RIPOR3: variants seen among roughly 807,000 people sequenced by gnomAD.
The protein encoded by RIPOR3 is RIPOR family member 3.
A neutral mutation model predicts 114.3 loss-of-function variants in RIPOR3; 95 were observed. The observed-to-expected ratio is 0.83, with a 90% CI of 0.70 to 0.99. The LOEUF (loss-of-function observed/expected upper bound fraction) is 0.99, where lower values mean the gene tolerates loss of function less well. Ranked by LOEUF, RIPOR3 falls within the 50% of genes least tolerant of loss-of-function variation. The pLI, the probability that RIPOR3 is intolerant of heterozygous loss-of-function variation, is 0.00. For synonymous variants in RIPOR3, 575 were observed against 543.8 expected, an observed-to-expected ratio of 1.06 and a Z score of -0.80; for missense variants, 1,252 against 1,266.9, an observed-to-expected ratio of 0.99 and a Z score of 0.18.
chr20:50,620,734 T>C (rs2084370374), intron 2 of RIPOR3: 6 of 455,082 alleles, frequency 1.3e-5, no homozygotes, highest in South Asian at 7.5e-5. Flanking sequence ...TTTTCCACCA[T>C]GGCTGCCACT....
intron 1 of RIPOR3, among the ~76,000 whole-genome samples, chr20:50,686,206 A>G (rs36051891): frequency 0.14 from 20,714 of 151,464 alleles, 1,481 homozygotes; most frequent in East Asian, 0.22. Context: ...ACAGGCGCCC[A>G]CCACCATGCC....
At position 50,587,027 on chromosome 20, in the gene RIPOR3, C is replaced by A; in HGVS notation, c.*205G>T. ...GCCGTGCAGCCCCTGGAATGCTGTA[C>A]CTTTGCCTTGCTTTTTTCTGCCTCT... On this transcript the variant is annotated 3_prime_UTR_variant, in exon 22 of 22. Transcript: ENST00000327979. 1 of 573,548 alleles carries A rather than the reference C, an allele frequency of 1.7e-6. No individual in the cohort carries two copies. Among genetic ancestry groups the A allele is most frequent in the Non-Finnish European group, 3.1e-6 (1 of 320,894 alleles). The allele number at this position is 573,548 out of a possible 1,614,324, so 35.5% of individuals were successfully genotyped here. A position where few individuals can be genotyped will look rare whatever the true frequency, so the allele number is the denominator to read the frequency against.
intron 11 of RIPOR3, among the ~76,000 whole-genome samples, chr20:50,606,193 G>A (rs1030369749): frequency 6.6e-6 from 1 of 152,180 alleles, no homozygotes; most frequent in Non-Finnish European, 1.5e-5. Flanking sequence ...GCGACAGAGC[G>A]AGACTCTGTC....
intron 13 of RIPOR3, among the ~76,000 whole-genome samples, chr20:50,598,742 TA>T (rs1053929762): frequency 3.3e-5 from 5 of 151,888 alleles, no homozygotes; most frequent in Non-Finnish European, 7.4e-5. Context: ...GCATCTCTAC[TA>T]AAAATACAAA....
intron 19 of RIPOR3, among the ~76,000 whole-genome samples, chr20:50,591,794 G>A (rs2083116949): frequency 6.6e-6 from 1 of 152,210 alleles, no homozygotes. Context: ...AAATAAGGAT[G>A]ACTATCAAAA....
chr20:50,602,261 G>A lies in RIPOR3; in HGVS notation c.1470C>T (p.His490=), dbSNP rs754772770. The A allele has an allele frequency of 4.3e-6, 7 of 1,613,996 alleles. No homozygotes were observed. The East Asian group carries it at 6.7e-5, about 15-fold the overall frequency. The change falls in exon 13 of 22, where the codon CAC becomes CAT. Residue 490 remains histidine, a synonymous_variant. Coordinates refer to ENST00000327979, the MANE Select transcript of RIPOR3 (RefSeq NM_001290268.2). The surrounding 1 kb of genome is among the most constrained non-coding windows in gnomAD (Gnocchi z 4.3). The part of the protein sequence containing the change: ...SPSLPQGSLF[H]SGTASSSQNG... The stretch of plus-strand genomic sequence containing the variant: ...TCTGGCTACTCGAGGCTGTGCCGCT[G>A]TGGAACAGGGAGCCCTGTGGCAGGC...
At chr20:50,668,621 T>C (rs139568799) in intron 1 of RIPOR3, among the ~76,000 whole-genome samples, 2,475 of 151,200 alleles carry the variant, frequency 0.016, 79 homozygotes, top group African/African-American at 0.057. Flanking sequence ...CTTTGGGAGG[T>C]CAAGGCGGGC....
intron 1 of RIPOR3, among the ~76,000 whole-genome samples, chr20:50,686,527 T>A (rs35137629): frequency 0.14 from 20,713 of 151,766 alleles, 1,491 homozygotes; most frequent in East Asian, 0.22. Flanking sequence ...CGCGGGTAGA[T>A]CACCTGAGGT....
intron 4 of RIPOR3, among the ~76,000 whole-genome samples, chr20:50,614,023 TTTCATTCA>T (rs531219183): frequency 4.6e-5 from 7 of 152,052 alleles, no homozygotes; most frequent in Admixed American, 6.6e-5. Flanking sequence ...TGCTTGCTTA[TTTCATTCA>T]TTCATTCATT....
intron 20 of RIPOR3, among the ~76,000 whole-genome samples, chr20:50,589,422 G>A (rs1320532884): frequency 1.3e-5 from 2 of 151,756 alleles, no homozygotes; most frequent in Admixed American, 1.3e-4. Flanking sequence ...CCGAGTAGCT[G>A]GGACTACAGG....
At chr20:50,596,699 CCCACTCAG>C (rs996300239) in intron 14 of RIPOR3, among the ~76,000 whole-genome samples, 1 of 152,222 alleles carries the variant, frequency 6.6e-6, no homozygotes, top group Non-Finnish European at 1.5e-5. Context: ...TGCTGCCCGA[CCCACTCAG>C]CCACTCAGGA....
At chr20:50,593,697 G>A (rs188868690) in intron 17 of RIPOR3, among the ~76,000 whole-genome samples, 55 of 152,200 alleles carry the variant, frequency 3.6e-4, no homozygotes, top group African/African-American at 1.2e-3. Context: ...GAGTCAGACC[G>A]TGTTGGGTTC....
chr20:50,671,970 G>A (rs1272971468), intron 1 of RIPOR3, among the ~76,000 whole-genome samples: 1 of 119,768 alleles, frequency 8.3e-6, no homozygotes, highest in African/African-American at 3.1e-5. Context: ...AGGTGGATAG[G>A]TGGATGGGTG....
chr20:50,670,169 A>G (rs924449195), intron 1 of RIPOR3, among the ~76,000 whole-genome samples: 1 of 151,508 alleles, frequency 6.6e-6, no homozygotes, highest in Non-Finnish European at 1.5e-5. Flanking sequence ...AAAAAAAAAA[A>G]AAAAAAAAAA....
intron 12 of RIPOR3, among the ~76,000 whole-genome samples, chr20:50,603,502 G>T (rs895495666): frequency 4.6e-5 from 7 of 152,200 alleles, no homozygotes; most frequent in Non-Finnish European, 8.8e-5. Context: ...GCCTCTCAAA[G>T]TACTGGGATT....
rs78713093 is a variant in RIPOR3, at chr20:50,667,142, C to T, written c.3+23984G>A. Among the ~76,000 whole-genome samples the T allele has an allele frequency of 4.8e-3, 735 of 152,246 alleles. 6 individuals are homozygous for T. Among genetic ancestry groups the T allele is most frequent in the African/African-American group, 0.017 (706 of 41,538 alleles). ...AATCATGAATACCTTGGGAAGGGAA[C>T]ATTAACCATCAGCCGGCAAAGTTAA... On this transcript the variant is annotated intron_variant, in intron 1 of 21. Coordinates refer to ENST00000327979, the MANE Select transcript of RIPOR3 (RefSeq NM_001290268.2).
intron 1 of RIPOR3, among the ~76,000 whole-genome samples, chr20:50,642,746 A>T (rs1033851741): frequency 1.4e-5 from 2 of 139,666 alleles, no homozygotes; most frequent in Non-Finnish European, 3.0e-5. Flanking sequence ...ACAGTGATTT[A>T]AAAAAAAAAA....
rs970044766 is a variant in RIPOR3 at position 50,609,544 on chromosome 20, G to T, written c.576+29C>A. ...GCCCGGCCCAGCTCTTGCTGCCCCT[G>T]CTGCCCAGCCCAGCTTGGCCCGGCC... On this transcript the variant is annotated intron_variant, in intron 7 of 21. Coordinates refer to ENST00000327979, the MANE Select transcript of RIPOR3 (RefSeq NM_001290268.2). The T allele has an allele frequency of 6.3e-6, 9 of 1,428,336 alleles. No individual in the cohort carries two copies. In the African/African-American group the frequency reaches 1.2e-4, roughly 18 times the overall value. 88.5% of individuals were successfully genotyped at this position (1,428,336 alleles called of 1,614,324 possible). A position where few individuals can be genotyped will look rare whatever the true frequency, so the allele number is the denominator to read the frequency against.
intron 1 of RIPOR3, among the ~76,000 whole-genome samples, chr20:50,656,420 T>A (rs34963972): frequency 0.12 from 18,628 of 152,162 alleles, 1,259 homozygotes; most frequent in East Asian, 0.2. Context: ...TAGAGCTTAG[T>A]GAAGGTTCAG....
Sources: gnomAD v4.1 joint callset for allele counts (sites outside exome capture counted in the v4.1 genomes callset) on GRCh38, gnomAD v4.1.1 for gene constraint, Gnocchi (gnomAD v3.1) non-coding constraint, MANE v1.5 for transcripts, NCBI Gene and HGNC (gene_info 2026-07-23, HGNC 2026-07-21) for gene names.